EFCAB5: variants seen among roughly 807,000 people sequenced by gnomAD.
The protein encoded by EFCAB5 is EF-hand calcium-binding domain-containing protein 5.
In EFCAB5, 131 loss-of-function variants were observed where a neutral mutation model predicts 167.9. The ratio of observed to expected loss-of-function variants is 0.78; its 90% CI spans 0.68 to 0.90. The LOEUF (loss-of-function observed/expected upper bound fraction) is 0.90. Among genes scored for constraint, EFCAB5 ranks in the 40% least tolerant of loss-of-function variants. The pLI, the probability that EFCAB5 is intolerant of heterozygous loss-of-function variation, is 0.00. For synonymous variants in EFCAB5, 574 were observed against 602.8 expected (o/e 0.95, Z 0.70); for missense variants, 1,663 against 1,745.2 (o/e 0.95, Z 0.84).
At chr17:29,951,523 T>G (rs542772532) in intron 3 of EFCAB5, among the ~76,000 whole-genome samples, 51 of 150,036 alleles carry the variant, frequency 3.4e-4, no homozygotes, top group Non-Finnish European at 4.6e-4. Context: ...ATTTTTTTTT[T>G]TATTTTTTTT....
intron 10 of EFCAB5, 143 bp downstream of exon 10, chr17:30,054,291 A>G (rs2070192434): frequency 9.8e-7 from 1 of 1,023,408 alleles, no homozygotes; most frequent in African/African-American, 1.6e-5. Flanking sequence ...TTGCTGCTCC[A>G]CATTAGTCTA....
At chr17:30,041,816 A>G (rs191479632) in intron 8 of EFCAB5, among the ~76,000 whole-genome samples, 80 of 152,324 alleles carry the variant, frequency 5.3e-4, no homozygotes, top group Middle Eastern at 3.4e-3. Context: ...GTAGCCAACA[A>G]CATTAAGGTA....
rs376994178 is a variant in EFCAB5 at position 30,056,061 on chromosome 17, C to G, written c.2273-3C>G. 234 of 1,612,758 alleles carry G rather than the reference C, an allele frequency of 1.5e-4. No individual in the cohort carries two copies. The highest frequency in any genetic ancestry group is 6.2e-4 in the Admixed American group (37 of 59,850). On this transcript the variant is annotated splice_region_variant and splice_polypyrimidine_tract_variant and intron_variant, in intron 11 of 22. Coordinates refer to ENST00000394835, the MANE Select transcript of EFCAB5 (RefSeq NM_198529.4). ...GGCTATGTTATGGAATGTGTTTTTA[C>G]AGGTGAATTTTTTACTTGTAACTGG...
At chr17:29,996,208 TA>T in intron 5 of EFCAB5, 103 bp from the exon 6 acceptor site, 1 of 950,906 alleles carries the variant, frequency 1.1e-6, no homozygotes, top group Non-Finnish European at 1.6e-6. Flanking sequence ...CACCCAATAC[TA>T]AAACAGAAAG....
intron 22 of EFCAB5, among the ~76,000 whole-genome samples, chr17:30,104,565 G>T (rs779840166): frequency 6.6e-6 from 1 of 150,746 alleles, no homozygotes; most frequent in Non-Finnish European, 1.5e-5. Context: ...AAAAAAAAGC[G>T]TTATTTCTAT....
At chr17:29,967,031 G>A (rs955172861) in intron 3 of EFCAB5, among the ~76,000 whole-genome samples, 6 of 151,966 alleles carry the variant, frequency 3.9e-5, no homozygotes, top group Admixed American at 6.6e-5. Context: ...GATGGTCTAC[G>A]TTCTCTTAAG....
At chr17:29,949,896 A>G (rs1308628998) in intron 3 of EFCAB5, among the ~76,000 whole-genome samples, 3 of 152,240 alleles carry the variant, frequency 2.0e-5, no homozygotes, top group Non-Finnish European at 2.9e-5. Context: ...GAGCACTAAC[A>G]GGCTGCAATG....
intron 8 of EFCAB5, among the ~76,000 whole-genome samples, chr17:30,049,580 A>G (rs2070028292): frequency 6.6e-6 from 1 of 152,224 alleles, no homozygotes; most frequent in Admixed American, 6.5e-5. Flanking sequence ...ATCCATTCAC[A>G]GAAGAGGAAA....
At chr17:30,096,904 T>C (rs1440852350) in intron 22 of EFCAB5, among the ~76,000 whole-genome samples, 1 of 148,642 alleles carries the variant, frequency 6.7e-6, no homozygotes, top group Non-Finnish European at 1.5e-5. Flanking sequence ...GGTCTCGAAC[T>C]CCTGACCTCA....
intron 4 of EFCAB5, among the ~76,000 whole-genome samples, chr17:29,969,717 A>T: frequency 6.6e-6 from 1 of 152,128 alleles, no homozygotes; most frequent in Non-Finnish European, 1.5e-5. Flanking sequence ...GTCAATATGT[A>T]AAAAAAGTTA....
intron 7 of EFCAB5, among the ~76,000 whole-genome samples, chr17:30,030,634 G>T (rs971109249): frequency 2.0e-5 from 3 of 151,680 alleles, no homozygotes; most frequent in Non-Finnish European, 4.4e-5. Context: ...AAGCCACTGC[G>T]CCCAGCCCAG....
intron 14 of EFCAB5, chr17:30,073,058 T>C (rs1284033435): frequency 4.6e-5 from 29 of 637,128 alleles, no homozygotes; most frequent in Non-Finnish European, 6.5e-5. Context: ...ATGCCCAACC[T>C]TTATTTTTTT....
intron 8 of EFCAB5, among the ~76,000 whole-genome samples, chr17:30,045,026 C>G (rs758072091): frequency 2.0e-5 from 3 of 151,982 alleles, no homozygotes; most frequent in Non-Finnish European, 4.4e-5. Flanking sequence ...AAATACTATG[C>G]TAAGTGAAAG....
At chr17:29,967,531 G>C (rs150353810) in intron 3 of EFCAB5, among the ~76,000 whole-genome samples, 24 of 152,078 alleles carry the variant, frequency 1.6e-4, no homozygotes, top group African/African-American at 5.6e-4. Flanking sequence ...ATTTTATAGT[G>C]GTCTCCACCG....
chr17:29,972,131 G>A (rs757451218), intron 4 of EFCAB5, among the ~76,000 whole-genome samples: 38 of 151,578 alleles, frequency 2.5e-4, no homozygotes, highest in Admixed American at 3.3e-4. Flanking sequence ...TCTGCCTCCC[G>A]GGTTCACGCC....
intron 4 of EFCAB5, among the ~76,000 whole-genome samples, chr17:29,988,713 A>G (rs188611404): frequency 4.6e-5 from 7 of 152,236 alleles, no homozygotes; most frequent in African/African-American, 1.7e-4. Context: ...AGTGACAATA[A>G]TTTTTCCAGG....
At chr17:29,940,779 C>T (rs924854719), upstream of EFCAB5, among the ~76,000 whole-genome samples, 14 of 152,134 alleles carry the variant, frequency 9.2e-5, no homozygotes, top group African/African-American at 3.4e-4. Flanking sequence ...GTGCCTCACA[C>T]CTGTAATCCC....
At chr17:30,073,041 C>T in intron 14 of EFCAB5, 1 of 602,602 alleles carries the variant, frequency 1.7e-6, no homozygotes, top group Non-Finnish European at 3.0e-6. Context: ...TGTGTCCTCC[C>T]CTCCCCATGC....
intron 4 of EFCAB5, among the ~76,000 whole-genome samples, chr17:29,971,286 G>T (rs1300416226): frequency 1.3e-5 from 2 of 152,058 alleles, no homozygotes; most frequent in African/African-American, 4.8e-5. Flanking sequence ...TAACATTTTA[G>T]TTGGTTTCTT....
Sources: gnomAD v4.1 joint callset for allele counts (sites outside exome capture counted in the v4.1 genomes callset) on GRCh38, gnomAD v4.1.1 for gene constraint, MANE v1.5 for transcripts, NCBI Gene and HGNC (gene_info 2026-07-23, HGNC 2026-07-21) for gene names.